The following GRHL2 variants were observed in gnomAD, a reference collection of about 807,000 sequenced individuals.
GRHL2 encodes grainyhead-like protein 2 homolog.
Under a neutral mutation model 83.8 loss-of-function variants are expected in GRHL2, and 21 were observed. The ratio of observed to expected loss-of-function variants is 0.25; its 90% confidence interval spans 0.18 to 0.36. GRHL2 has a LOEUF of 0.36. Among genes scored for constraint, GRHL2 ranks in the 10% least tolerant of loss-of-function variants. GRHL2 has a pLI of 1.00. For synonymous variants in GRHL2, 280 were observed against 278.9 expected, an observed-to-expected ratio of 1.00 and a Z score of -0.04; for missense variants, 623 against 781.8, an observed-to-expected ratio of 0.80 and a Z score of 2.42.
intron 6 of GRHL2, among the ~76,000 whole-genome samples, chr8:101,574,933 A>T (rs1811903757): frequency 6.6e-6 from 1 of 152,234 alleles, no homozygotes; most frequent in Non-Finnish European, 1.5e-5. Flanking sequence ...TTATGATATT[A>T]CAGATAAGGA....
chr8:101,592,667 G>A (rs1304940409), intron 7 of GRHL2, among the ~76,000 whole-genome samples: 4 of 152,138 alleles, frequency 2.6e-5, no homozygotes, highest in Admixed American at 2.6e-4. Flanking sequence ...TGATTCTGGT[G>A]CACTGCAACA....
At chr8:101,607,099 T>C (rs1812647225) in intron 8 of GRHL2, among the ~76,000 whole-genome samples, 1 of 152,250 alleles carries the variant, frequency 6.6e-6, no homozygotes, top group African/African-American at 2.4e-5. Flanking sequence ...TTTTTTCTCC[T>C]TTCCCCCTTC....
At chr8:101,492,925 CAG>C in intron 1 of GRHL2, 136 bp downstream of exon 1, 1 of 806,426 alleles carries the variant, frequency 1.2e-6, no homozygotes, top group East Asian at 2.5e-5. Flanking sequence ...TTGGTGGATC[CAG>C]ACTTTTCCGC....
At chr8:101,578,823 A>G (rs1811985423) in intron 7 of GRHL2, among the ~76,000 whole-genome samples, 1 of 152,222 alleles carries the variant, frequency 6.6e-6, no homozygotes. Context: ...TCTTGACCAC[A>G]CTGGCAGAGT....
intron 4 of GRHL2, among the ~76,000 whole-genome samples, chr8:101,560,538 G>A (rs1042214187): frequency 3.9e-5 from 6 of 152,220 alleles, no homozygotes; most frequent in African/African-American, 1.4e-4. Flanking sequence ...AGCTGGAATT[G>A]CTAGGCCATG....
chr8:101,601,010 A>G (rs1812498290), intron 8 of GRHL2, among the ~76,000 whole-genome samples: 1 of 152,244 alleles, frequency 6.6e-6, no homozygotes, highest in East Asian at 1.9e-4. Flanking sequence ...AAAAATAAAC[A>G]TTAGCTGGGC....
chr8:101,525,310 C>T (rs986731381), intron 1 of GRHL2, among the ~76,000 whole-genome samples: 33 of 152,062 alleles, frequency 2.2e-4, no homozygotes, highest in African/African-American at 8.0e-4. Context: ...TTTTTGTTCT[C>T]AGAATTTCTT....
the GRHL2 span, among the ~76,000 whole-genome samples, chr8:101,675,382 T>C: frequency 6.6e-6 from 1 of 152,060 alleles, no homozygotes; most frequent in Non-Finnish European, 1.5e-5. Context: ...AAAATCAATG[T>C]GCAAAAATCA....
chr8:101,567,486 C>G (rs1015642178), intron 4 of GRHL2, among the ~76,000 whole-genome samples: 7 of 152,164 alleles, frequency 4.6e-5, no homozygotes, highest in Non-Finnish European at 8.8e-5. Context: ...CAGGTCTCAT[C>G]TAAAGGATGG....
downstream of GRHL2, among the ~76,000 whole-genome samples, chr8:101,671,858 G>T (rs997685788): frequency 2.0e-5 from 3 of 152,134 alleles, no homozygotes; most frequent in Non-Finnish European, 4.4e-5. Context: ...GAACGATCAC[G>T]CAGCAGCACT....
At chr8:101,679,586 T>C in the GRHL2 span, among the ~76,000 whole-genome samples, 1 of 150,546 alleles carries the variant, frequency 6.6e-6, no homozygotes, top group African/African-American at 2.5e-5. Context: ...GTCACAAAGA[T>C]ACTCCTCGAG....
At position 101,613,651 on chromosome 8, in the gene GRHL2, G is replaced by A. The variant is rs1053615121; in HGVS notation, c.1099-5888G>A. On this transcript the variant is annotated intron_variant, in intron 8 of 15. Coordinates refer to ENST00000646743, the MANE Select transcript of GRHL2 (RefSeq NM_024915.4). Reference sequence around the variant, plus strand: ...AATCCTATCAAAGTGGAAGAAGAAAGGTAAAATGTGAGAAAGCTGTCTGTA... The same window carrying A: ...AATCCTATCAAAGTGGAAGAAGAAAAGTAAAATGTGAGAAAGCTGTCTGTA... Among the ~76,000 whole-genome samples the A allele has an allele frequency of 1.3e-5, 2 of 151,046 alleles. 1 individual carries two copies. The highest frequency in any genetic ancestry group is 4.9e-5 in the African/African-American group (2 of 40,462).
intron 2 of GRHL2, among the ~76,000 whole-genome samples, chr8:101,551,383 A>G (rs1010914350): frequency 3.9e-5 from 6 of 152,128 alleles, no homozygotes; most frequent in Non-Finnish European, 7.4e-5. Flanking sequence ...TAGAGATGAG[A>G]TTTGAACCCA....
intron 7 of GRHL2, among the ~76,000 whole-genome samples, chr8:101,584,359 T>C (rs983626742): frequency 1.3e-5 from 2 of 152,248 alleles, no homozygotes; most frequent in Non-Finnish European, 2.9e-5. Context: ...TCACACTTTT[T>C]TGAAAACTTA....
chr8:101,622,680 C>T (rs1232354096), intron 9 of GRHL2, among the ~76,000 whole-genome samples: 1 of 152,054 alleles, frequency 6.6e-6, no homozygotes, highest in African/African-American at 2.4e-5. Context: ...TTGCCCAACA[C>T]TCTTTTTTAA....
At chr8:101,672,176 C>T (rs1304893074), downstream of GRHL2, among the ~76,000 whole-genome samples, 1 of 151,686 alleles carries the variant, frequency 6.6e-6, no homozygotes, top group East Asian at 1.9e-4. Flanking sequence ...TGCAGCTCCT[C>T]ATCAGCAGCG....
Position 101,595,947 on chromosome 8 carries a change from C to T in GRHL2, c.1004-3110C>T, listed in dbSNP as rs540824861. 3.0e-3 allele frequency among the ~76,000 whole-genome samples: 457 copies of T among 151,850 alleles called. 1 individual carries two copies. The highest frequency in any genetic ancestry group is 5.3e-3 in the Non-Finnish European group (358 of 67,912). On this transcript the variant is annotated intron_variant, in intron 7 of 15. Coordinates refer to ENST00000646743, the MANE Select transcript of GRHL2 (RefSeq NM_024915.4). ...CATCCTGGCTAACACAGTGAAACCC[C>T]GTCTCTACTAAAAATACAAAAAATT...
intron 9 of GRHL2, 63 bp from the exon 10 acceptor site, chr8:101,631,574 C>A: frequency 7.9e-7 from 1 of 1,267,132 alleles, no homozygotes; most frequent in Non-Finnish European, 1.1e-6. Context: ...TTATGTGTGA[C>A]ATGACTTTTG....
intron 2 of GRHL2, among the ~76,000 whole-genome samples, chr8:101,551,243 A>G (rs1207815630): frequency 6.6e-6 from 1 of 152,256 alleles, no homozygotes; most frequent in East Asian, 1.9e-4. Flanking sequence ...ACAAATATAA[A>G]GTACCAGACA....
Sources: allele counts gnomAD v4.1 joint callset (sites outside exome capture counted in the v4.1 genomes callset), GRCh38; gene constraint gnomAD v4.1.1; transcripts MANE v1.5; gene names NCBI Gene and HGNC (gene_info 2026-07-23, HGNC 2026-07-21).